Variants in PACS1 observed in about 807,000 individuals in gnomAD.
PACS1 encodes phosphofurin acidic cluster sorting protein 1.
PACS1 carries 24 observed loss-of-function variants against 115.0 expected under a neutral mutation model. The ratio of observed to expected loss-of-function variants is 0.21; its 90% CI spans 0.15 to 0.29. PACS1 has a LOEUF of 0.29. Ranked by LOEUF, PACS1 falls within the 10% of genes least tolerant of loss-of-function variation. The pLI, the probability that PACS1 is intolerant of heterozygous loss-of-function variation, is 1.00. For synonymous variants in PACS1, 453 were observed against 504.5 expected (o/e 0.90, Z 1.37); for missense variants, 838 against 1,251.2 (o/e 0.67, Z 4.98).
At chr11:66,188,159 ATT>A (rs71461607) in intron 1 of PACS1, among the ~76,000 whole-genome samples, 1,862 of 94,836 alleles carry the variant, frequency 0.02, 35 homozygotes, top group African/African-American at 0.059. Context: ...TTTTAATCGG[ATT>A]TTTTTTTTTT....
Position 66,070,728 on chromosome 11 carries a change from C to T in PACS1, c.242C>T (p.Ala81Val), listed in dbSNP as rs1362304670. The change falls in exon 1 of 24, where the codon GCC becomes GTC. Residue 81 changes from alanine to valine, a missense_variant. Coordinates refer to ENST00000320580, the MANE Select transcript of PACS1 (RefSeq NM_018026.4). The surrounding 1 kb of genome is among the most constrained non-coding windows in gnomAD (Gnocchi z 5.9). ...STSTSMAVAVASGSAPPGGPG... is the reference protein window; with the variant it reads ...STSTSMAVAVVSGSAPPGGPG... ...TCCACCTCCATGGCCGTGGCGGTGG[C>T]CTCGGGCTCCGCGCCTCCCGGTGGC... The T allele has an allele frequency of 1.3e-6, 2 of 1,568,444 alleles. No individual in the cohort carries two copies. The highest frequency in any genetic ancestry group is 1.7e-6 in the Non-Finnish European group (2 of 1,165,274).
intron 8 of PACS1, 82 bp downstream of exon 8, chr11:66,219,887 G>A: frequency 1.0e-6 from 1 of 967,156 alleles, no homozygotes; most frequent in Non-Finnish European, 1.7e-6. Context: ...ACTCTGTATT[G>A]CCACTGAGAG....
At chr11:66,177,451 A>G (rs942640029) in intron 1 of PACS1, among the ~76,000 whole-genome samples, 3 of 152,246 alleles carry the variant, frequency 2.0e-5, no homozygotes, top group East Asian at 1.9e-4. Context: ...TTGGCCTCCC[A>G]TAGTGCTGGG....
At chr11:66,221,039 C>A (rs1003107333) in intron 9 of PACS1, 115 bp from the exon 10 acceptor site, 2 of 1,017,350 alleles carry the variant, frequency 2.0e-6, no homozygotes, top group Middle Eastern at 2.1e-4. Flanking sequence ...GCTCACCGGG[C>A]GTTCTGGACA....
intron 7 of PACS1, chr11:66,218,743 C>G (rs1353701821): frequency 6.6e-6 from 1 of 152,026 alleles, no homozygotes; most frequent in African/African-American, 2.4e-5. Context: ...GCCTGTAATC[C>G]CAGCTACTCA....
Position 66,219,825 on chromosome 11 carries a change from A to T in PACS1, c.1038+20A>T, listed in dbSNP as rs1425592052. The T allele has an allele frequency of 1.3e-6, 2 of 1,571,438 alleles. No individual in the cohort carries two copies. Among genetic ancestry groups the T allele is most frequent in the South Asian group, 2.2e-5 (2 of 90,232 alleles). On this transcript the variant is annotated intron_variant, in intron 8 of 23. Coordinates refer to ENST00000320580, the MANE Select transcript of PACS1 (RefSeq NM_018026.4). ...GATGAGGTATGGCCTCTTACTCCCA[A>T]GGTTAATGGTGAGTAGAATTCCCCG...
At chr11:66,130,027 A>G (rs1016060937) in intron 1 of PACS1, among the ~76,000 whole-genome samples, 22 of 152,346 alleles carry the variant, frequency 1.4e-4, no homozygotes, top group African/African-American at 4.3e-4. Context: ...CAGTCTACCA[A>G]CCAACCAACC....
At chr11:66,184,512 G>T (rs1480492650) in intron 1 of PACS1, among the ~76,000 whole-genome samples, 1 of 152,076 alleles carries the variant, frequency 6.6e-6, no homozygotes, top group Non-Finnish European at 1.5e-5. Context: ...TATTTAGAAG[G>T]TTTCAAAAGA....
At chr11:66,154,988 A>C (rs538851377) in intron 1 of PACS1, among the ~76,000 whole-genome samples, 2 of 152,346 alleles carry the variant, frequency 1.3e-5, no homozygotes, top group East Asian at 3.9e-4. Context: ...TCCACACGTA[A>C]ATAGACAATT....
intron 1 of PACS1, among the ~76,000 whole-genome samples, chr11:66,183,637 TCTTTG>T (rs1056838157): frequency 6.6e-6 from 1 of 152,188 alleles, no homozygotes; most frequent in African/African-American, 2.4e-5. Flanking sequence ...CCAGGAAGGT[TCTTTG>T]CTTTGCTCAG....
Position 66,196,861 on chromosome 11 carries a change from G to C in PACS1, c.444+3288G>C, listed in dbSNP as rs558303577. On this transcript the variant is annotated intron_variant, in intron 2 of 23. Transcript: ENST00000320580. ...AATCTGCCCACCTTGGCCTCCCAAA[G>C]TGCTGGGATTACAGGCATGAGCTAC... Among the ~76,000 whole-genome samples the C allele has an allele frequency of 4.6e-5, 7 of 152,240 alleles. No homozygotes were observed. The East Asian group carries it at 1.4e-3, about 29-fold the overall frequency.
At chr11:66,194,242 G>A (rs1158377611) in intron 2 of PACS1, among the ~76,000 whole-genome samples, 1 of 152,198 alleles carries the variant, frequency 6.6e-6, no homozygotes, top group Non-Finnish European at 1.5e-5. Context: ...GGGATTACAG[G>A]CGTGAGCCAC....
intron 1 of PACS1, among the ~76,000 whole-genome samples, chr11:66,117,027 A>G (rs1418565343): frequency 2.0e-5 from 3 of 152,254 alleles, no homozygotes; most frequent in South Asian, 4.1e-4. Flanking sequence ...GGAAGAAGAC[A>G]GGAAGTGTCA....
intron 1 of PACS1, among the ~76,000 whole-genome samples, chr11:66,101,382 T>A (rs955856122): frequency 6.6e-6 from 1 of 152,220 alleles, no homozygotes; most frequent in Non-Finnish European, 1.5e-5. Flanking sequence ...GGAATCTTGT[T>A]TTTAAAAAAT....
intron 2 of PACS1, 48 bp from the exon 3 acceptor site, chr11:66,210,314 G>C: frequency 6.9e-7 from 1 of 1,452,540 alleles, no homozygotes; most frequent in Non-Finnish European, 9.7e-7. Flanking sequence ...GGGATTACTG[G>C]CACAAGCCAC....
chr11:66,223,311 C>T (rs1855398415), intron 10 of PACS1, among the ~76,000 whole-genome samples: 1 of 151,868 alleles, frequency 6.6e-6, no homozygotes, highest in African/African-American at 2.4e-5. Context: ...CCAGGCTGGT[C>T]TCAAACTCCT....
intron 2 of PACS1, among the ~76,000 whole-genome samples, chr11:66,196,175 G>T (rs1265550882): frequency 6.6e-6 from 1 of 152,224 alleles, no homozygotes; most frequent in African/African-American, 2.4e-5. Context: ...GGAATGAGCT[G>T]TTTGTGCCAG....
intron 1 of PACS1, among the ~76,000 whole-genome samples, chr11:66,134,800 G>C (rs1407047532): frequency 6.6e-6 from 1 of 152,044 alleles, no homozygotes; most frequent in Non-Finnish European, 1.5e-5. Flanking sequence ...TCACTCCCCA[G>C]CAATTACTCA....
rs199759003 is a variant in PACS1, at chr11:66,239,260, C to T, written c.2412C>T (p.Ser804=). 95 of 1,612,378 alleles carry T rather than the reference C, an allele frequency of 5.9e-5. No homozygotes were observed. Among genetic ancestry groups the T allele is most frequent in the Non-Finnish European group, 7.0e-5 (82 of 1,179,548 alleles). ...ATPPSSPSMS[S]ALAIVGSPNS... is the part of the protein sequence containing the mutation. The stretch of plus-strand genomic sequence containing the variant: ...CTCCCTCCTCCCCATCTATGAGCAG[C>T]GCCCTGGCCATCGTGGGGTAAGGCT... Residue 804 remains serine, a synonymous_variant, in exon 21 of 24, where the codon AGC becomes AGT. Transcript: ENST00000320580.
Sources: allele counts gnomAD v4.1 joint callset (sites outside exome capture counted in the v4.1 genomes callset), GRCh38; gene constraint gnomAD v4.1.1; non-coding constraint Gnocchi (gnomAD v3.1); transcripts MANE v1.5; gene names NCBI Gene and HGNC (gene_info 2026-07-23, HGNC 2026-07-21).